Variants in PDE6D observed in about 807,000 individuals in gnomAD.
PDE6D encodes the protein phosphodiesterase 6D, also known as retinal rod rhodopsin-sensitive cGMP 3',5'-cyclic phosphodiesterase subunit delta.
Under a neutral mutation model 21.9 loss-of-function variants are expected in PDE6D, and 10 were observed. The ratio of observed to expected loss-of-function variants is 0.46; its 90% CI spans 0.28 to 0.78. The LOEUF (loss-of-function observed/expected upper bound fraction) is 0.78. Ranked by LOEUF, PDE6D falls within the 30% of genes least tolerant of loss-of-function variation. The pLI is 0.12. For synonymous variants in PDE6D, 59 were observed against 63.5 expected, an observed-to-expected ratio of 0.93 and a Z score of 0.34; for missense variants, 139 against 184.8, an observed-to-expected ratio of 0.75 and a Z score of 1.44.
At chr2:231,780,954 G>C (rs904885309) in intron 1 of PDE6D, 111 bp downstream of exon 1, 13 of 950,444 alleles carry the variant, frequency 1.4e-5, no homozygotes, top group African/African-American at 5.0e-5. Context: ...CCCCTCCCGC[G>C]GCCCTTCTTC....
At chr2:231,776,118 C>G (rs199584296) in intron 1 of PDE6D, among the ~76,000 whole-genome samples, 2 of 151,866 alleles carry the variant, frequency 1.3e-5, no homozygotes, top group South Asian at 4.2e-4. Context: ...GTCAGGAGTT[C>G]GAGACCAGCC....
At chr2:231,743,715 CT>C (rs61034935) in intron 1 of PDE6D, among the ~76,000 whole-genome samples, 113 of 149,116 alleles carry the variant, frequency 7.6e-4, no homozygotes, top group African/African-American at 2.5e-3. Context: ...TCAAACTCCA[CT>C]TTTTTTTTTT....
chr2:231,772,360 G>A (rs2049022290), intron 1 of PDE6D, among the ~76,000 whole-genome samples: 1 of 152,148 alleles, frequency 6.6e-6, no homozygotes, highest in African/African-American at 2.4e-5. Flanking sequence ...TAAACAGTAA[G>A]CTTTAGTCCA....
intron 1 of PDE6D, among the ~76,000 whole-genome samples, chr2:231,770,208 T>A (rs1666764758): frequency 6.6e-6 from 1 of 152,216 alleles, no homozygotes; most frequent in African/African-American, 2.4e-5. Flanking sequence ...ACCTCCTATG[T>A]TTGATCATCA....
chr2:231,734,190 C>G (rs838421), intron 4 of PDE6D, among the ~76,000 whole-genome samples: 65,655 of 150,854 alleles, frequency 0.44, 16,790 homozygotes, highest in African/African-American at 0.72. Flanking sequence ...CTCCAGCCTC[C>G]GCGACAGAGC....
At chr2:231,776,907 G>A (rs2049062088) in intron 1 of PDE6D, among the ~76,000 whole-genome samples, 2 of 152,168 alleles carry the variant, frequency 1.3e-5, no homozygotes. Context: ...AGAAATGCAA[G>A]GTTCTTAATG....
At chr2:231,753,290 G>A (rs2048857000) in intron 1 of PDE6D, among the ~76,000 whole-genome samples, 2 of 151,176 alleles carry the variant, frequency 1.3e-5, no homozygotes, top group Admixed American at 1.3e-4. Flanking sequence ...TTGGGAGGTC[G>A]AAGTGGGCGG....
At chr2:231,779,115 G>C (rs946482526) in intron 1 of PDE6D, 2 of 152,130 alleles carry the variant, frequency 1.3e-5, no homozygotes, top group African/African-American at 2.4e-5. Flanking sequence ...CCCAGTAAAG[G>C]CTACCAGAGG....
chr2:231,773,674 A>G (rs971563999), intron 1 of PDE6D, among the ~76,000 whole-genome samples: 2 of 152,190 alleles, frequency 1.3e-5, no homozygotes, highest in South Asian at 4.1e-4. Flanking sequence ...GGGAGAAGAA[A>G]TGTAAGAAAA....
chr2:231,763,462 C>G (rs1182558815), intron 1 of PDE6D, among the ~76,000 whole-genome samples: 1 of 152,104 alleles, frequency 6.6e-6, no homozygotes, highest in Non-Finnish European at 1.5e-5. Flanking sequence ...GATTCCACAG[C>G]TGTACCACTC....
chr2:231,769,042 T>C (rs76505897), intron 1 of PDE6D, among the ~76,000 whole-genome samples: 1,937 of 152,194 alleles, frequency 0.013, 40 homozygotes, highest in African/African-American at 0.044. Flanking sequence ...CTCATTTTGG[T>C]ATTTTTAGTG....
At chr2:231,758,569 C>T (rs540644618) in intron 1 of PDE6D, among the ~76,000 whole-genome samples, 1 of 152,280 alleles carries the variant, frequency 6.6e-6, no homozygotes, top group African/African-American at 2.4e-5. Flanking sequence ...ATTCCTGGAC[C>T]TGACCTTTCA....
rs192264644 is a variant in PDE6D at position 231,775,613 on chromosome 2, G to C, written c.50+5452C>G. ...GCTGGGATTACAGGCATGAGCCCCT[G>C]CACCCGGAAGATAGTCTATTATTTT... is the stretch of plus-strand genomic sequence containing the variant. On this transcript the variant is annotated intron_variant, in intron 1 of 4. Coordinates refer to ENST00000287600, the MANE Select transcript of PDE6D (RefSeq NM_002601.4). Among the ~76,000 whole-genome samples the C allele has an allele frequency of 2.9e-3, 440 of 151,424 alleles. 1 individual carries two copies. The highest frequency in any genetic ancestry group is 0.01 in the African/African-American group (424 of 41,302).
chr2:231,760,303 T>C (rs2048916149), intron 1 of PDE6D, among the ~76,000 whole-genome samples: 1 of 152,194 alleles, frequency 6.6e-6, no homozygotes, highest in African/African-American at 2.4e-5. Context: ...ACATTCAGTA[T>C]CTATTTACTA....
At chr2:231,737,384 AC>A (rs2048710315) in intron 3 of PDE6D, 92 bp from the exon 4 acceptor site, 3 of 633,040 alleles carry the variant, frequency 4.7e-6, no homozygotes, top group Admixed American at 5.6e-5. Flanking sequence ...GCCTCTTCCT[AC>A]CCTGAGAACC....
intron 1 of PDE6D, among the ~76,000 whole-genome samples, chr2:231,773,656 C>T (rs1360651932): frequency 2.0e-5 from 3 of 152,050 alleles, no homozygotes; most frequent in Non-Finnish European, 4.4e-5. Context: ...ATTCCAGGAC[C>T]AAACTATGGG....
chr2:231,777,929 T>C (rs947114565), intron 1 of PDE6D, among the ~76,000 whole-genome samples: 2 of 152,218 alleles, frequency 1.3e-5, no homozygotes, highest in Non-Finnish European at 2.9e-5. Context: ...ATAAGAAAGA[T>C]CTTTTTAAAC....
intron 1 of PDE6D, among the ~76,000 whole-genome samples, chr2:231,774,323 C>A (rs1342744928): frequency 2.0e-5 from 3 of 152,186 alleles, no homozygotes; most frequent in Admixed American, 6.6e-5. Context: ...TATGCAGTTT[C>A]ATTTAATTCT....
At chr2:231,759,222 T>G (rs543575234) in intron 1 of PDE6D, among the ~76,000 whole-genome samples, 18 of 150,970 alleles carry the variant, frequency 1.2e-4, no homozygotes, top group African/African-American at 4.1e-4. Context: ...GAAACCGAGG[T>G]GGGAGGATTG....
Sources: gnomAD v4.1 joint callset for allele counts (sites outside exome capture counted in the v4.1 genomes callset) on GRCh38, gnomAD v4.1.1 for gene constraint, MANE v1.5 for transcripts, NCBI Gene and HGNC (gene_info 2026-07-23, HGNC 2026-07-21) for gene names.